DOCK5: variants seen among roughly 807,000 people sequenced by gnomAD.
DOCK5 encodes the protein dedicator of cytokinesis protein 5.
Under a neutral mutation model 251.8 loss-of-function variants are expected in DOCK5, and 142 were observed. The observed-to-expected ratio is 0.56, with a 90% CI of 0.49 to 0.65. DOCK5 has a LOEUF of 0.65. Ranked by LOEUF, DOCK5 falls within the 30% of genes least tolerant of loss-of-function variation. The pLI is 0.00. For synonymous variants in DOCK5, 842 were observed against 835.5 expected (o/e 1.01, Z -0.13); for missense variants, 2,111 against 2,312.3 (o/e 0.91, Z 1.79).
In DOCK5 at chr8:25,317,484, G is replaced by A. The variant is rs536160233; in HGVS notation, c.1443+353G>A. 6 of 176,488 alleles carry A rather than the reference G, an allele frequency of 3.4e-5. No homozygotes were observed. The South Asian group carries it at 7.1e-4, about 21-fold the overall frequency. 10.9% of individuals were successfully genotyped at this position (176,488 alleles called of 1,614,324 possible). A position where few individuals can be genotyped will look rare whatever the true frequency, so the allele number is the denominator to read the frequency against. Reference sequence around the variant, plus strand: ...TAGGCTTGAGCTAAGTGGCCTGGGTGCTCGAATAGCATCAGAAAGCATGTT... The same window carrying A: ...TAGGCTTGAGCTAAGTGGCCTGGGTACTCGAATAGCATCAGAAAGCATGTT... On this transcript the variant is annotated intron_variant, in intron 14 of 51. Transcript: ENST00000276440.
chr8:25,309,052 C>A, intron 12 of DOCK5, 127 bp downstream of exon 12: 1 of 1,225,828 alleles, frequency 8.2e-7, no homozygotes, highest in Non-Finnish European at 1.1e-6. Context: ...GGGACCATCC[C>A]CCTCAGCTTC....
chr8:25,302,481 T>C, intron 10 of DOCK5, 27 bp downstream of exon 10: 1 of 1,527,450 alleles, frequency 6.5e-7, no homozygotes, highest in South Asian at 1.2e-5. Context: ...GAGACAAATG[T>C]GAAATAGTGC....
At chr8:25,333,223 A>T (rs73560491) in intron 20 of DOCK5, among the ~76,000 whole-genome samples, 1,662 of 152,274 alleles carry the variant, frequency 0.011, 20 homozygotes, top group African/African-American at 0.031. Context: ...GGTGGAGGGG[A>T]AGAAGCTGAA....
intron 1 of DOCK5, among the ~76,000 whole-genome samples, chr8:25,221,013 C>T (rs1274493862): frequency 6.6e-6 from 1 of 151,990 alleles, no homozygotes; most frequent in Non-Finnish European, 1.5e-5. Context: ...GTTATTTGTC[C>T]CATCTCTCAA....
At position 25,380,502 on chromosome 8, in the gene DOCK5, A is replaced by T. The variant is rs1013850596; in HGVS notation, c.4026+108A>T. On this transcript the variant is annotated intron_variant, in intron 39 of 51. Coordinates refer to ENST00000276440, the MANE Select transcript of DOCK5 (RefSeq NM_024940.8). ...TCAGGATGAATGGTGTTTTTTTACA[A>T]TGGAAAAGTCAACTTTGCTTGAAAT... 19 of 935,996 alleles carry T rather than the reference A, an allele frequency of 2.0e-5. No homozygotes were observed. The Middle Eastern group carries it at 8.7e-4, about 43-fold the overall frequency. The allele number at this position is 935,996 out of a possible 1,614,324, so 58.0% of individuals were successfully genotyped here. A position where few individuals can be genotyped will look rare whatever the true frequency, so the allele number is the denominator to read the frequency against.
At chr8:25,351,572 ATAT>A (rs1780172901) in intron 26 of DOCK5, 156 bp from the exon 27 acceptor site, 1 of 598,800 alleles carries the variant, frequency 1.7e-6, no homozygotes, top group Admixed American at 3.0e-5. Flanking sequence ...ATAAAGTTAT[ATAT>A]TATTCTGTGA....
rs1201587983 is a variant in DOCK5 at position 25,377,329 on chromosome 8, C to G, written c.3841C>G (p.His1281Asp). The G allele has an allele frequency of 6.2e-7, 1 of 1,613,460 alleles. No homozygotes were observed. The highest frequency in any genetic ancestry group is 1.3e-5 in the African/African-American group (1 of 75,028). ...LQWSDKPCVP[H>D]LLQKDSYYVY... ...GTGGTCTGACAAGCCCTGTGTGCCT[C>G]ATTTGCTTCAGAAGGACAGTTACTA... Residue 1281 changes from histidine (H) to aspartate (D), a missense_variant, in exon 38 of 52, where the codon CAT (histidine) becomes GAT (aspartate). His to Asp is a moderately conservative substitution (Grantham distance 81). Coordinates refer to ENST00000276440, the MANE Select transcript of DOCK5 (RefSeq NM_024940.8).
intron 27 of DOCK5, among the ~76,000 whole-genome samples, chr8:25,358,663 C>T (rs1800621250): frequency 6.6e-6 from 1 of 152,162 alleles, no homozygotes; most frequent in Non-Finnish European, 1.5e-5. Context: ...ACAAGAAACC[C>T]AAAGCCCCAC....
intron 3 of DOCK5, among the ~76,000 whole-genome samples, chr8:25,270,419 T>C (rs1340426399): frequency 6.6e-6 from 1 of 152,164 alleles, no homozygotes; most frequent in Non-Finnish European, 1.5e-5. Flanking sequence ...TTGGTGTTAA[T>C]TTTACTCATA....
intron 1 of DOCK5, among the ~76,000 whole-genome samples, chr8:25,214,705 C>T (rs1802189785): frequency 6.6e-6 from 1 of 152,092 alleles, no homozygotes. Context: ...ATAGTCTTAT[C>T]GATTCAGCAG....
intron 2 of DOCK5, among the ~76,000 whole-genome samples, chr8:25,257,061 G>A (rs1414025375): frequency 6.6e-6 from 1 of 152,124 alleles, no homozygotes; most frequent in Non-Finnish European, 1.5e-5. Flanking sequence ...GTTGTTGGCA[G>A]TAATTTAAGT....
At chr8:25,228,669 C>A (rs1384469340) in intron 1 of DOCK5, among the ~76,000 whole-genome samples, 1 of 152,198 alleles carries the variant, frequency 6.6e-6, no homozygotes, top group African/African-American at 2.4e-5. Context: ...GGTAACCTGA[C>A]ATAAATATGC....
Position 25,260,045 on chromosome 8 carries a change from T to G in DOCK5, c.128-8800T>G, listed in dbSNP as rs537298060. ...TGAGTGTGCTGTGCACAGGGAGAGG[T>G]GCAGCCACTGTCTGTAAGGAAGGAT... On this transcript the variant is annotated intron_variant, in intron 2 of 51. Coordinates refer to ENST00000276440, the MANE Select transcript of DOCK5 (RefSeq NM_024940.8). Among the ~76,000 whole-genome samples, 24 of 152,176 alleles carry G rather than the reference T, an allele frequency of 1.6e-4. No homozygotes were observed. In the South Asian group the frequency reaches 4.8e-3, roughly 30 times the overall value.
At chr8:25,396,098 G>T (rs1048880999) in intron 45 of DOCK5, among the ~76,000 whole-genome samples, 1 of 152,114 alleles carries the variant, frequency 6.6e-6, no homozygotes, top group African/African-American at 2.4e-5. Context: ...AGCTTCTAGG[G>T]GCCAGGTGTA....
chr8:25,201,210 A>G (rs1801872420), intron 1 of DOCK5, among the ~76,000 whole-genome samples: 1 of 152,200 alleles, frequency 6.6e-6, no homozygotes, highest in Admixed American at 6.5e-5. Flanking sequence ...GCCGGCCTAA[A>G]TGGCTATTTC....
At chr8:25,264,604 T>C (rs1278798193) in intron 2 of DOCK5, among the ~76,000 whole-genome samples, 4 of 151,682 alleles carry the variant, frequency 2.6e-5, no homozygotes, top group African/African-American at 9.7e-5. Context: ...GGCTGGTGGA[T>C]CAATTGAGGT....
intron 1 of DOCK5, among the ~76,000 whole-genome samples, chr8:25,202,567 A>G (rs529986248): frequency 6.6e-6 from 1 of 152,152 alleles, no homozygotes; most frequent in Non-Finnish European, 1.5e-5. Context: ...TTCACTGAGC[A>G]CCTTTTATGT....
chr8:25,250,753 G>A (rs1219532786), intron 2 of DOCK5, among the ~76,000 whole-genome samples: 1 of 152,184 alleles, frequency 6.6e-6, no homozygotes, highest in Non-Finnish European at 1.5e-5. Context: ...AAACAATTCA[G>A]ATATGTGCTT....
chr8:25,345,846 A>G (rs1586348359), intron 26 of DOCK5, among the ~76,000 whole-genome samples: 1 of 148,544 alleles, frequency 6.7e-6, no homozygotes, highest in Non-Finnish European at 1.5e-5. Flanking sequence ...CACTATTGAG[A>G]TCCCTGTGAC....
Sources: gnomAD v4.1 joint callset for allele counts (sites outside exome capture counted in the v4.1 genomes callset) on GRCh38, gnomAD v4.1.1 for gene constraint, MANE v1.5 for transcripts, NCBI Gene and HGNC (gene_info 2026-07-23, HGNC 2026-07-21) for gene names.